Variants in PKHD1L1 observed in about 807,000 individuals in gnomAD.
PKHD1L1 encodes the protein fibrocystin-L.
Under a neutral mutation model 462.9 loss-of-function variants are expected in PKHD1L1, and 434 were observed. The ratio of observed to expected loss-of-function variants is 0.94; its 90% CI spans 0.87 to 1.02. The LOEUF (loss-of-function observed/expected upper bound fraction) is 1.02. Among genes scored for constraint, PKHD1L1 ranks in the 50% least tolerant of loss-of-function variants. The probability of loss-of-function intolerance (pLI) is 0.00; values close to 1 mark genes in which losing one functional copy is unlikely to be tolerated. For missense variants in PKHD1L1, 5,202 were observed against 5,096.1 expected (o/e 1.02, Z -0.63); for synonymous variants, 1,781 against 1,750.0 (o/e 1.02, Z -0.44).
chr8:109,485,268 A>G (rs754288985), intron 58 of PKHD1L1, 95 bp downstream of exon 58: 4 of 1,156,534 alleles, frequency 3.5e-6, no homozygotes, highest in Non-Finnish European at 4.7e-6. Context: ...ACATGTCACA[A>G]ATATGTTAAA....
intron 76 of PKHD1L1, among the ~76,000 whole-genome samples, chr8:109,524,266 TC>T (rs1820707554): frequency 6.6e-6 from 1 of 152,126 alleles, no homozygotes; most frequent in South Asian, 2.1e-4. Flanking sequence ...CCCAGTTTTT[TC>T]CCTGAATTTT....
At chr8:109,509,905 A>G (rs1015623995) in intron 70 of PKHD1L1, among the ~76,000 whole-genome samples, 1 of 152,130 alleles carries the variant, frequency 6.6e-6, no homozygotes, top group African/African-American at 2.4e-5. Context: ...AATACAATTC[A>G]TTCCATATTT....
At chr8:109,480,753 A>G in intron 55 of PKHD1L1, 1 of 301,436 alleles carries the variant, frequency 3.3e-6, no homozygotes, top group South Asian at 3.1e-5. Flanking sequence ...CATTATTATT[A>G]TTTCTTTGAG....
Position 109,477,372 on chromosome 8 carries a change from C to T in PKHD1L1, c.9065C>T (p.Pro3022Leu), listed in dbSNP as rs1204171745. The T allele has an allele frequency of 6.2e-7, 1 of 1,613,312 alleles. No homozygotes were observed. The highest frequency in any genetic ancestry group is 8.5e-7 in the Non-Finnish European group (1 of 1,179,564). The change falls in exon 53 of 78, where the codon CCC becomes CTC. Residue 3022 changes from proline to leucine, a missense_variant. Coordinates refer to ENST00000378402, the MANE Select transcript of PKHD1L1 (RefSeq NM_177531.6). ...PVHPPSRKPI[P>L]KKRPATYNLW... is the part of the protein sequence containing the mutation. ...CATCCGCCATCAAGAAAACCAATTCCCAAGAAGCGACCAGCCACATATAAG... is the reference window on the plus strand; with the variant it reads ...CATCCGCCATCAAGAAAACCAATTCTCAAGAAGCGACCAGCCACATATAAG...
Position 109,535,855 on chromosome 8 carries a change from G to T in PKHD1L1, c.*5765G>T, listed in dbSNP as rs1821133167. Among the ~76,000 whole-genome samples the T allele has an allele frequency of 1.3e-5, 2 of 152,170 alleles. No individual in the cohort carries two copies. The highest frequency in any genetic ancestry group is 6.5e-5 in the Admixed American group (1 of 15,280). On this transcript the variant is annotated 3_prime_UTR_variant, in exon 78 of 78. Coordinates refer to ENST00000378402, the MANE Select transcript of PKHD1L1 (RefSeq NM_177531.6). ...AAAGAATAGACAAAACTTGGCAACA[G>T]ATCTTGGTATGAAATAAATATCCCA... is the stretch of plus-strand genomic sequence containing the variant.
chr8:109,376,063 T>G (rs1811806268), intron 2 of PKHD1L1, among the ~76,000 whole-genome samples: 1 of 152,238 alleles, frequency 6.6e-6, no homozygotes, highest in Admixed American at 6.5e-5. Flanking sequence ...CAGAGGTTAC[T>G]GCTGCCTTTT....
rs532419610 is a variant in PKHD1L1 at position 109,531,683 on chromosome 8, A to G, written c.*1593A>G. Among the ~76,000 whole-genome samples the G allele has an allele frequency of 1.5e-3, 234 of 152,316 alleles. 1 individual carries two copies. In the Middle Eastern group the frequency reaches 0.017, roughly 11 times the overall value. The stretch of plus-strand genomic sequence containing the variant: ...ATAGTCACAATTTTAAGGGAATTGC[A>G]GGTAAGAGGTCCCTGACAAGGTAGT... On this transcript the variant is annotated 3_prime_UTR_variant, in exon 78 of 78. Coordinates refer to ENST00000378402, the MANE Select transcript of PKHD1L1 (RefSeq NM_177531.6).
At chr8:109,370,333 C>T (rs1302100442) in intron 2 of PKHD1L1, among the ~76,000 whole-genome samples, 3 of 151,942 alleles carry the variant, frequency 2.0e-5, no homozygotes, top group South Asian at 2.1e-4. Flanking sequence ...AGGCTGGTCT[C>T]GAATTCCTGA....
At position 109,390,417 on chromosome 8, in the gene PKHD1L1, A is replaced by G. The variant is rs1812657322; in HGVS notation, c.698-35A>G. Reference sequence around the variant, plus strand: ...GAGTTATTGTTCTTCTGTGACTGGGAATTTAATTGATTGTGTATTTTCATT... The same window carrying G: ...GAGTTATTGTTCTTCTGTGACTGGGGATTTAATTGATTGTGTATTTTCATT... On this transcript the variant is annotated intron_variant, in intron 8 of 77. Transcript: ENST00000378402. 7 of 1,255,928 alleles carry G rather than the reference A, an allele frequency of 5.6e-6. No homozygotes were observed. The East Asian group carries it at 8.3e-5, about 15-fold the overall frequency. The allele number at this position is 1,255,928 out of a possible 1,614,324, so 77.8% of individuals were successfully genotyped here. A position where few individuals can be genotyped will look rare whatever the true frequency, so the allele number is the denominator to read the frequency against.
chr8:109,406,344 C>T lies in PKHD1L1; in HGVS notation c.1679C>T (p.Pro560Leu), dbSNP rs142950253. The change falls in exon 17 of 78, where the codon CCT becomes CTT. Residue 560 changes from proline to leucine, a missense_variant. Transcript: ENST00000378402. ...TTTAATCCAATCAAAGTCTTCCTAC[C>T]TGCTGATGCTTCTGAATTCATACTG... ...IYNMEKTVFL[P>L]ADASEFILQS... is the part of the protein sequence containing the mutation. 4.0e-4 allele frequency: 613 copies of T among 1,548,852 alleles called. 6 individuals carry two copies. The African/African-American group carries it at 7.3e-3, about 18-fold the overall frequency.
chr8:109,448,463 AAAT>A (rs1265761914), intron 39 of PKHD1L1, 72 bp downstream of exon 39: 11 of 1,402,504 alleles, frequency 7.8e-6, no homozygotes, highest in Non-Finnish European at 1.0e-5. Context: ...CTTATTTAGA[AAAT>A]AATATGTTAC....
chr8:109,435,289 A>G lies in PKHD1L1; in HGVS notation c.3440A>G (p.Glu1147Gly), dbSNP rs772085462. 2 of 1,613,856 alleles carry G rather than the reference A, an allele frequency of 1.2e-6. No homozygotes were observed. The highest frequency in any genetic ancestry group is 1.1e-5 in the South Asian group (1 of 91,078). ...GGACTAGCACAGAATGTAGGGGGTG[A>G]AGAGTTCTACTTTGTTTATCAGAGT... ...DVGLAQNVGG[E>G]EFYFVYQSQI... The change falls in exon 29 of 78, where the codon GAA becomes GGA. Residue 1147 changes from glutamate (E) to glycine (G), a missense_variant. Transcript: ENST00000378402.
chr8:109,463,152 T>G (rs1263842679), intron 48 of PKHD1L1, among the ~76,000 whole-genome samples: 1 of 152,156 alleles, frequency 6.6e-6, no homozygotes, highest in East Asian at 1.9e-4. Flanking sequence ...CTCAGTTGAT[T>G]ATAAATTAAA....
At chr8:109,442,564 A>C (rs1815858191) in intron 35 of PKHD1L1, among the ~76,000 whole-genome samples, 1 of 152,190 alleles carries the variant, frequency 6.6e-6, no homozygotes, top group African/African-American at 2.4e-5. Flanking sequence ...TTCCTACAGG[A>C]CAGCTCAGTG....
rs1312194991 is a variant in PKHD1L1 at position 109,523,321 on chromosome 8, G to C, written c.12419G>C (p.Gly4140Ala). ...AATAACCAAGTCAATGGCCTTAGTG[G>C]AAATACAACAATTCCGTTTAGCAGC... Reference protein sequence around the residue: ...SNNNQVNGLSGNTTIPFSSCW... With the variant: ...SNNNQVNGLSANTTIPFSSCW... The change falls in exon 76 of 78, where the codon GGA (glycine) becomes GCA (alanine). Residue 4140 changes from glycine to alanine, a missense_variant. Physicochemically the swap from Gly to Ala is moderately conservative, Grantham distance 60. This residue lies in a region of PKHD1L1 where 698 missense variants were observed against 736.3 expected (regional missense o/e 0.95). Transcript: ENST00000378402. The C allele has an allele frequency of 1.9e-6, 3 of 1,612,970 alleles. No individual in the cohort carries two copies. Among genetic ancestry groups the C allele is most frequent in the Non-Finnish European group, 1.7e-6 (2 of 1,179,348 alleles).
rs367896512 is a variant in PKHD1L1 at position 109,385,249 on chromosome 8, CT to C, written c.476-274del. 6.7e-3 allele frequency among the ~76,000 whole-genome samples: 936 copies of C among 140,628 alleles called. 4 individuals carry two copies. The highest frequency in any genetic ancestry group is 0.01 in the Non-Finnish European group (674 of 64,268). The allele number at this position is 140,628 out of a possible 152,430, so 92.3% of individuals were successfully genotyped here. A position where few individuals can be genotyped will look rare whatever the true frequency, so the allele number is the denominator to read the frequency against. ...TTCTCTTACTTTTTGGTACAGAGAT[CT>C]TTTTTTTTTTTTTCTCAAATAGTCA... is the stretch of plus-strand genomic sequence containing the variant. On this transcript the variant is annotated intron_variant, in intron 5 of 77. Transcript: ENST00000378402.
chr8:109,456,532 G>C (rs1283409746), intron 46 of PKHD1L1, 141 bp downstream of exon 46: 17 of 765,408 alleles, frequency 2.2e-5, no homozygotes, highest in Admixed American at 3.6e-5. Context: ...GCCAAATACA[G>C]ATTTGCCAAG....
At chr8:109,427,272 A>T in intron 25 of PKHD1L1, 116 bp downstream of exon 25, 1 of 829,238 alleles carries the variant, frequency 1.2e-6, no homozygotes, top group Non-Finnish European at 1.9e-6. Context: ...CAAACCATAA[A>T]CTAAAATTTC....
intron 2 of PKHD1L1, among the ~76,000 whole-genome samples, chr8:109,375,303 G>T (rs1184809579): frequency 6.6e-6 from 1 of 152,168 alleles, no homozygotes; most frequent in Non-Finnish European, 1.5e-5. Context: ...CAGCTACTGA[G>T]GCTTGTGCAT....
Sources: gnomAD v4.1 joint callset for allele counts (sites outside exome capture counted in the v4.1 genomes callset) on GRCh38, gnomAD v4.1.1 for gene constraint, gnomAD v4.1.1 regional missense constraint, MANE v1.5 for transcripts, NCBI Gene and HGNC (gene_info 2026-07-23, HGNC 2026-07-21) for gene names.